IDE: variants seen among roughly 807,000 people sequenced by gnomAD.
IDE encodes the protein insulin-degrading enzyme.
IDE carries 58 observed loss-of-function variants against 133.2 expected under a neutral mutation model. That is an observed-to-expected ratio of 0.44 (90% CI 0.35 to 0.54). The LOEUF is 0.54. Ranked by LOEUF, IDE falls within the 20% of genes least tolerant of loss-of-function variation. The pLI, the probability that IDE is intolerant of heterozygous loss-of-function variation, is 0.00. For synonymous variants in IDE, 396 were observed against 421.3 expected, an observed-to-expected ratio of 0.94 and a Z score of 0.73; for missense variants, 981 against 1,234.0, an observed-to-expected ratio of 0.79 and a Z score of 3.07.
chr10:92,556,573 C>A (rs2135785136), intron 1 of IDE, among the ~76,000 whole-genome samples: 1 of 152,208 alleles, frequency 6.6e-6, no homozygotes, highest in East Asian at 1.9e-4. Context: ...GCCTGGCCAA[C>A]ATGGTGAAAC....
At chr10:92,533,109 C>T (rs549524508) in intron 3 of IDE, among the ~76,000 whole-genome samples, 1 of 152,170 alleles carries the variant, frequency 6.6e-6, no homozygotes, top group South Asian at 2.1e-4. Context: ...TGGATAGGCC[C>T]AGATAAAGGA....
intron 1 of IDE, among the ~76,000 whole-genome samples, chr10:92,541,684 T>C (rs1336376866): frequency 6.6e-6 from 1 of 152,214 alleles, no homozygotes; most frequent in African/African-American, 2.4e-5. Context: ...TTACAACATA[T>C]ATTTTGTCAT....
At chr10:92,537,695 C>A (rs897043329) in intron 1 of IDE, 145 bp from the exon 2 acceptor site, 1 of 601,578 alleles carries the variant, frequency 1.7e-6, no homozygotes, top group Non-Finnish European at 2.9e-6. Flanking sequence ...AGGGTGCAGT[C>A]ATTCCTTTCC....
At chr10:92,537,725 T>C (rs1842087831) in intron 1 of IDE, among the ~76,000 whole-genome samples, 175 bp from the exon 2 acceptor site, 1 of 152,220 alleles carries the variant, frequency 6.6e-6, no homozygotes. Context: ...CCCCTCATTC[T>C]TTCTGAGAAA....
chr10:92,566,411 T>A (rs2901598), intron 1 of IDE, among the ~76,000 whole-genome samples: 42,977 of 141,910 alleles, frequency 0.3, 6,619 homozygotes, highest in African/African-American at 0.37. Context: ...TCTCTCTCTC[T>A]CTCACACACA....
At chr10:92,523,736 A>G (rs1212951210) in intron 4 of IDE, among the ~76,000 whole-genome samples, 6 of 151,532 alleles carry the variant, frequency 4.0e-5, no homozygotes, top group African/African-American at 1.2e-4. Flanking sequence ...CGCACACCTA[A>G]AATACAGCTC....
At chr10:92,529,825 T>A (rs1381012042) in intron 4 of IDE, among the ~76,000 whole-genome samples, 6 of 152,204 alleles carry the variant, frequency 3.9e-5, no homozygotes, top group Non-Finnish European at 8.8e-5. Context: ...TTATAATTTG[T>A]CACCAGTGAA....
chr10:92,573,918 T>C lies in IDE; in HGVS notation c.98+4A>G. 1 of 1,460,294 alleles carries C rather than the reference T, an allele frequency of 6.8e-7. No homozygotes were observed. Among genetic ancestry groups the C allele is most frequent in the Non-Finnish European group, 9.0e-7 (1 of 1,112,002 alleles). The allele number at this position is 1,460,294 out of a possible 1,614,324, so 90.5% of individuals were successfully genotyped here. On this transcript the variant is annotated splice_donor_region_variant and intron_variant, in intron 1 of 24. Transcript: ENST00000265986. The stretch of plus-strand genomic sequence containing the variant: ...CGAGGGCCCGGGCGCTCCATTCCGC[T>C]TACCCACACAGGCGCTCCGGAGGCG...
chr10:92,527,792 G>A (rs1447668669), intron 4 of IDE, among the ~76,000 whole-genome samples: 4 of 152,182 alleles, frequency 2.6e-5, no homozygotes, highest in Admixed American at 2.6e-4. Context: ...CAAGGCGGGT[G>A]GATCACGAGG....
intron 1 of IDE, among the ~76,000 whole-genome samples, chr10:92,570,217 G>A (rs770952743): frequency 3.2e-4 from 48 of 152,242 alleles, no homozygotes; most frequent in Non-Finnish European, 5.0e-4. Flanking sequence ...TCAGTATGGT[G>A]ATAAAATACT....
In IDE at chr10:92,487,198, T is replaced by C. The variant is rs369716492; in HGVS notation, c.1654A>G (p.Lys552Glu). ...AATCACTGATTCAAACACATTACCT[T>C]AATAAGAGCAGGGTATGGTGTCGCC... The part of the protein sequence containing the change: ...KEATPYPALI[K>E]DTAMSKLWFK... The change falls in exon 13 of 25, where the codon AAG becomes GAG. Residue 552 changes from lysine (K) to glutamate (E), a missense_variant and splice_region_variant. Coordinates refer to ENST00000265986, the MANE Select transcript of IDE (RefSeq NM_004969.4). 11 of 1,610,620 alleles carry C rather than the reference T, an allele frequency of 6.8e-6. No individual in the cohort carries two copies. The highest frequency in any genetic ancestry group is 6.8e-5 in the Admixed American group (4 of 59,052).
Position 92,487,322 on chromosome 10 carries a change from G to A in IDE, c.1534-4C>T, listed in dbSNP as rs1482384376. 3 of 1,607,880 alleles carry A rather than the reference G, an allele frequency of 1.9e-6. No individual in the cohort carries two copies. The highest frequency in any genetic ancestry group is 2.2e-5 in the South Asian group (2 of 89,960). On this transcript the variant is annotated splice_polypyrimidine_tract_variant and splice_region_variant and intron_variant, in intron 12 of 24. Coordinates refer to ENST00000265986, the MANE Select transcript of IDE (RefSeq NM_004969.4). ...TCAGGTCAGCATTTTGCCATTTCTGGATGAATAATGAAACACACAAATGCA... is the reference window on the plus strand; with the variant it reads ...TCAGGTCAGCATTTTGCCATTTCTGAATGAATAATGAAACACACAAATGCA...
chr10:92,487,350 AAG>A, intron 12 of IDE, 32 bp from the exon 13 acceptor site: 1 of 1,593,060 alleles, frequency 6.3e-7, no homozygotes, highest in Admixed American at 1.7e-5. Flanking sequence ...CAAATGCAGT[AAG>A]AGTCTGATTT....
intron 14 of IDE, among the ~76,000 whole-genome samples, chr10:92,481,616 G>A (rs1366696411): frequency 1.3e-5 from 2 of 152,152 alleles, no homozygotes; most frequent in Non-Finnish European, 2.9e-5. Flanking sequence ...GGATCACAGG[G>A]TTTTAAAAAC....
intron 11 of IDE, among the ~76,000 whole-genome samples, chr10:92,495,259 T>C (rs1478285908): frequency 4.1e-5 from 6 of 145,874 alleles, no homozygotes; most frequent in Admixed American, 1.4e-4. Flanking sequence ...CTCACTCTGT[T>C]GCCCAGGCTG....
chr10:92,479,579 A>T, intron 14 of IDE, 158 bp from the exon 15 acceptor site: 1 of 604,500 alleles, frequency 1.7e-6, no homozygotes. Flanking sequence ...AAAAAAGAAG[A>T]TGTCTGAAAA....
chr10:92,554,249 C>T (rs1245969949), intron 1 of IDE, among the ~76,000 whole-genome samples: 1 of 152,186 alleles, frequency 6.6e-6, no homozygotes, highest in African/African-American at 2.4e-5. Flanking sequence ...CCCACACAAT[C>T]ATCTCAATAG....
chr10:92,548,374 A>AAG (rs1842625855), intron 1 of IDE, among the ~76,000 whole-genome samples: 1 of 150,438 alleles, frequency 6.6e-6, no homozygotes, highest in African/African-American at 2.4e-5. Context: ...AAAAAAAAAA[A>AAG]AAAAAAAAAA....
chr10:92,501,626 C>T (rs1481726639), intron 11 of IDE, among the ~76,000 whole-genome samples: 31 of 150,180 alleles, frequency 2.1e-4, no homozygotes, highest in South Asian at 4.2e-4. Context: ...GCCGAGATTG[C>T]GCCACTGCAC....
Sources: allele counts gnomAD v4.1 joint callset (sites outside exome capture counted in the v4.1 genomes callset), GRCh38; gene constraint gnomAD v4.1.1; transcripts MANE v1.5; gene names NCBI Gene and HGNC (gene_info 2026-07-23, HGNC 2026-07-21).